POMGNT1: variants seen among roughly 807,000 people sequenced by gnomAD.
POMGNT1 encodes protein O-linked-mannose beta-1,2-N-acetylglucosaminyltransferase 1.
A neutral mutation model predicts 95.6 loss-of-function variants in POMGNT1; 67 were observed. That is an observed-to-expected ratio of 0.70 (90% confidence interval 0.58 to 0.86). POMGNT1 has a LOEUF of 0.86. Ranked by LOEUF, POMGNT1 falls within the 40% of genes least tolerant of loss-of-function variation. POMGNT1 has a pLI of 0.00. For synonymous variants in POMGNT1, 298 were observed against 317.9 expected (o/e 0.94, Z 0.66); for missense variants, 719 against 855.2 (o/e 0.84, Z 1.99).
At chr1:46,202,928 T>TGG (rs1658590068), upstream of POMGNT1, among the ~76,000 whole-genome samples, 1 of 102,350 alleles carries the variant, frequency 9.8e-6, no homozygotes, top group Non-Finnish European at 1.9e-5. Context: ...GTGGTGTGTG[T>TGG]GTGTGTGTGT....
In POMGNT1 at chr1:46,196,072, C is replaced by T. The variant is rs2148213580; in HGVS notation, c.360G>A (p.Leu120=). Residue 120 remains leucine, a synonymous_variant, in exon 5 of 22, where the codon CTG becomes CTA. Transcript: ENST00000371984. The surrounding 1 kb of genome is among the most constrained non-coding windows in gnomAD (Gnocchi z 4.4). ...VYVAVDGTTV[L]EDEAREQGRG... ...GGCCCTGCTCCCGGGCCTCATCCTC[C>T]AGCACCTACACAGTGGCAGAGACAA... 1.9e-6 allele frequency: 3 copies of T among 1,614,038 alleles called. No individual in the cohort carries two copies. The highest frequency in any genetic ancestry group is 1.1e-5 in the South Asian group (1 of 91,080).
At chr1:46,203,952 C>G (rs1176521301) in intron 1 of POMGNT1, among the ~76,000 whole-genome samples, 1 of 152,070 alleles carries the variant, frequency 6.6e-6, no homozygotes, top group Non-Finnish European at 1.5e-5. Flanking sequence ...AAATTCCCCC[C>G]GCCTGTATGG....
At chr1:46,189,783 C>A (rs1024535151) in intron 20 of POMGNT1, 71 bp downstream of exon 20, 2 of 1,602,872 alleles carry the variant, frequency 1.2e-6, no homozygotes, top group South Asian at 2.2e-5. Context: ...AGAGCAAAGG[C>A]TCCCTGGATC....
chr1:46,190,491 T>C lies in POMGNT1; in HGVS notation c.1631A>G (p.Glu544Gly). 6.2e-7 allele frequency: 1 copy of C among 1,607,292 alleles called. No individual in the cohort carries two copies. The highest frequency in any genetic ancestry group is 8.5e-7 in the Non-Finnish European group (1 of 1,173,688). ...GCCATACCTGAGCAGCCTGTGAACT[T>C]CCACTTCATAAGCTTCTTTCTTCAG... ...DSLKKEAYEV[E>G]VHRLLSEAEV... is the part of the protein sequence containing the mutation. The change falls in exon 19 of 22, where the codon GAA becomes GGA. Residue 544 changes from glutamate to glycine, a missense_variant. By Grantham distance (98) the Glu-to-Gly change is moderately conservative (BLOSUM62 -2). Around this residue, in one of 5 missense-constraint regions of POMGNT1, gnomAD observed 130 missense variants for 149.2 expected, o/e 0.87. Transcript: ENST00000371984.
intron 1 of POMGNT1, among the ~76,000 whole-genome samples, chr1:46,214,314 C>G: frequency 6.6e-6 from 1 of 150,604 alleles, no homozygotes; most frequent in East Asian, 2.0e-4. Context: ...CCACTGCACT[C>G]CAGCCTGGGT....
exon 1 of POMGNT1, chr1:46,219,935 C>T: frequency 6.2e-7 from 1 of 1,614,256 alleles, no homozygotes; most frequent in Non-Finnish European, 8.5e-7. Context: ...TCTCTATTGG[C>T]AGCTTCCTGG....
At position 46,193,621 on chromosome 1, in the gene POMGNT1, A is replaced by G; in HGVS notation, c.969T>C (p.Leu323=). 6.2e-7 allele frequency: 1 copy of G among 1,614,214 alleles called. No homozygotes were observed. The highest frequency in any genetic ancestry group is 1.1e-5 in the South Asian group (1 of 91,078). The change falls in exon 11 of 22, where the codon CTT becomes CTC. Residue 323 remains leucine (L), a synonymous_variant. Transcript: ENST00000371984. ...TCTGAGGAGACACCCCCTGGGCTGA[A>G]AGCAGAGAGCGCAGCATCCTGGGGA... ...NYLYRMLRSL[L]SAQGVSPQMI...
chr1:46,215,883 G>A (rs1659049468), intron 1 of POMGNT1, among the ~76,000 whole-genome samples: 2 of 152,126 alleles, frequency 1.3e-5, no homozygotes, highest in African/African-American at 4.8e-5. Context: ...CTGGGCTATA[G>A]AGTAAGACCC....
intron 1 of POMGNT1, 179 bp downstream of exon 1, chr1:46,198,157 A>G (rs1658384765): frequency 8.7e-6 from 3 of 346,364 alleles, no homozygotes; most frequent in South Asian, 5.9e-5. Context: ...ACCAAGTTCC[A>G]GGCCTTCCCA....
At chr1:46,216,453 C>T (rs941795137) in intron 1 of POMGNT1, among the ~76,000 whole-genome samples, 5 of 152,146 alleles carry the variant, frequency 3.3e-5, no homozygotes, top group Non-Finnish European at 7.4e-5. Flanking sequence ...GCAATCCTCT[C>T]ACCTCAGCCT....
At chr1:46,195,987 G>A in intron 5 of POMGNT1, 25 bp downstream of exon 5, 3 of 1,614,080 alleles carry the variant, frequency 1.9e-6, no homozygotes, top group Non-Finnish European at 2.5e-6. Context: ...CCAGCCCTCT[G>A]GGTCACCCAC....
chr1:46,220,005 A>G (rs754534579), exon 1 of POMGNT1: 2 of 1,614,208 alleles, frequency 1.2e-6, no homozygotes, highest in Non-Finnish European at 8.5e-7. Flanking sequence ...ACGTTCCGAG[A>G]TGGACTGGGC....
At chr1:46,205,986 C>G (rs75299893) in intron 1 of POMGNT1, among the ~76,000 whole-genome samples, 5,477 of 152,318 alleles carry the variant, frequency 0.036, 467 homozygotes, top group East Asian at 0.34. Context: ...AGTCCTGCCT[C>G]TAGGCCTCGT....
intron 1 of POMGNT1, among the ~76,000 whole-genome samples, chr1:46,205,332 A>C (rs1297772773): frequency 6.6e-6 from 1 of 151,880 alleles, no homozygotes; most frequent in South Asian, 2.1e-4. Flanking sequence ...AAAAGAAAAC[A>C]GAGGCACAGG....
In POMGNT1 at chr1:46,193,216, C is replaced by T. The variant is rs764266244; in HGVS notation, c.1111-1G>A. 2 of 1,614,068 alleles carry T rather than the reference C, an allele frequency of 1.2e-6. No individual in the cohort carries two copies. Among genetic ancestry groups the T allele is most frequent in the African/African-American group, 1.3e-5 (1 of 74,924 alleles). ...TGGCAGTGAGGCTGGCCTTGTAGTGCTGGGAGTGGGGTGGGAATAGGGCAC... is the reference window on the plus strand; with the variant it reads ...TGGCAGTGAGGCTGGCCTTGTAGTGTTGGGAGTGGGGTGGGAATAGGGCAC... On this transcript the variant is annotated splice_acceptor_variant, in intron 12 of 21. Transcript: ENST00000371984. LOFTEE classifies it high-confidence loss of function.
In POMGNT1 at chr1:46,192,334, C is replaced by G. The variant is rs929656161; in HGVS notation, c.1387G>C (p.Glu463Gln). The change falls in exon 16 of 22, where the codon GAG (glutamate) becomes CAG (glutamine). Residue 463 changes from glutamate (E) to glutamine (Q), a missense_variant. Transcript: ENST00000371984. The stretch of plus-strand genomic sequence containing the variant: ...TTTTCCGGTGTAGGCCACTTGGGCT[C>G]AAGCTCCTCCTTGTACAAGGACCTC... ...LRRSLYKEEL[E>Q]PKWPTPEKLW... 2 of 1,614,076 alleles carry G rather than the reference C, an allele frequency of 1.2e-6. No individual in the cohort carries two copies. The highest frequency in any genetic ancestry group is 2.7e-5 in the African/African-American group (2 of 74,924).
At chr1:46,219,553 T>C (rs1659167605) in intron 1 of POMGNT1, 1 of 805,956 alleles carries the variant, frequency 1.2e-6, no homozygotes, top group African/African-American at 1.7e-5. Flanking sequence ...GTCTGTCTGC[T>C]TCTGAAGCCT....
intron 10 of POMGNT1, 56 bp downstream of exon 10, chr1:46,193,799 A>AG: frequency 1.9e-6 from 3 of 1,609,496 alleles, no homozygotes; most frequent in Non-Finnish European, 2.5e-6. Context: ...TCCTGGAGGT[A>AG]GATGACCTAA....
In POMGNT1 at chr1:46,189,114, G is replaced by A. The variant is rs770263857; in HGVS notation, c.*156C>T. On this transcript the variant is annotated 3_prime_UTR_variant, in exon 22 of 22. Transcript: ENST00000371984. ...ACTCAGGAACGGGGTGTTGGAGCAG[G>A]GGAACCCTCCCCTTGGAGTTAGTAA... 3 of 1,495,674 alleles carry A rather than the reference G, an allele frequency of 2.0e-6. No individual in the cohort carries two copies. Among genetic ancestry groups the A allele is most frequent in the African/African-American group, 1.4e-5 (1 of 71,234 alleles). 92.7% of individuals were successfully genotyped at this position (1,495,674 alleles called of 1,614,324 possible).
Sources: gnomAD v4.1 joint callset for allele counts (sites outside exome capture counted in the v4.1 genomes callset) on GRCh38, gnomAD v4.1.1 for gene constraint, gnomAD v4.1.1 regional missense constraint, Gnocchi (gnomAD v3.1) non-coding constraint, MANE v1.5 for transcripts, NCBI Gene and HGNC (gene_info 2026-07-23, HGNC 2026-07-21) for gene names.